Variants in MB observed in about 807,000 individuals in gnomAD.
MB encodes the protein nitrite reductase MB.
Under a neutral mutation model 14.5 loss-of-function variants are expected in MB, and 10 were observed. The ratio of observed to expected loss-of-function variants is 0.69; its 90% CI spans 0.43 to 1.17. The LOEUF (loss-of-function observed/expected upper bound fraction) is 1.17. Among genes scored for constraint, MB ranks in the 50% most tolerant of loss-of-function variants. The pLI, the probability that MB is intolerant of heterozygous loss-of-function variation, is 0.00. For synonymous variants in MB, 89 were observed against 78.6 expected (o/e 1.13, Z -0.70); for missense variants, 169 against 192.7 (o/e 0.88, Z 0.73).
At chr22:35,611,783 GCAGCCACCTC>G (rs1202446617) in intron 1 of MB, among the ~76,000 whole-genome samples, 1 of 149,320 alleles carries the variant, frequency 6.7e-6, no homozygotes, top group African/African-American at 2.5e-5. Context: ...GGGACTCTGA[GCAGCCACCTC>G]CAGCTTTAGA....
intron 1 of MB, 22 bp from the exon 2 acceptor site, chr22:35,611,128 G>T: frequency 6.3e-7 from 1 of 1,584,518 alleles, no homozygotes; most frequent in Non-Finnish European, 8.7e-7. Context: ...GGGAAGGCTG[G>T]AGTCGGCATG....
upstream of MB, chr22:35,617,426 TTTC>T (rs1601847022): frequency 1.7e-6 from 1 of 602,682 alleles, no homozygotes; most frequent in East Asian, 2.8e-5. Flanking sequence ...CCTCCTTCAC[TTTC>T]TCTCTCTCAT....
chr22:35,618,995 C>T (rs533499511), upstream of MB, among the ~76,000 whole-genome samples: 3 of 150,192 alleles, frequency 2.0e-5, no homozygotes, highest in African/African-American at 7.3e-5. Context: ...ATTCATCATC[C>T]CCCCTCCATC....
chr22:35,614,304 G>A (rs745617527), intron 1 of MB, among the ~76,000 whole-genome samples: 2 of 152,184 alleles, frequency 1.3e-5, no homozygotes, highest in Admixed American at 1.3e-4. Context: ...TCAAGAGCAA[G>A]GATTCTGGGC....
chr22:35,623,069 T>A (rs940457313), intron 1 of MB: 4 of 152,276 alleles, frequency 2.6e-5, no homozygotes, highest in Non-Finnish European at 5.9e-5. Context: ...AAACTCATAT[T>A]GTACTTAGTG....
intron 2 of MB, among the ~76,000 whole-genome samples, chr22:35,609,160 C>T (rs5999890): frequency 0.022 from 3,354 of 152,292 alleles, 133 homozygotes; most frequent in African/African-American, 0.077. Context: ...GAGCCAAACA[C>T]GTGCCAGTGG....
At chr22:35,622,802 C>T (rs1055923747) in intron 1 of MB, among the ~76,000 whole-genome samples, 2 of 152,076 alleles carry the variant, frequency 1.3e-5, no homozygotes, top group Middle Eastern at 3.2e-3. Flanking sequence ...AGAGACCAGC[C>T]CCGCCTCCAC....
rs1922332426 is a variant in MB, at chr22:35,608,637, G to A, written c.319-1194C>T. On this transcript the variant is annotated intron_variant, in intron 2 of 2. Transcript: ENST00000397326. This position sits in a 1 kb window ranked among gnomAD's most constrained non-coding sequence, Gnocchi z 4.3. Reference sequence around the variant, plus strand: ...TTCATGAATGCCACAAAACAAAGTGGGGGCTCAGGGTGTCATGGAGCAAGC... The same window carrying A: ...TTCATGAATGCCACAAAACAAAGTGAGGGCTCAGGGTGTCATGGAGCAAGC... Among the ~76,000 whole-genome samples, 1 of 152,210 alleles carries A rather than the reference G, an allele frequency of 6.6e-6. No individual in the cohort carries two copies. The highest frequency in any genetic ancestry group is 2.4e-5 in the African/African-American group (1 of 41,456).
intron 1 of MB, among the ~76,000 whole-genome samples, chr22:35,612,787 A>G (rs1922739655): frequency 6.6e-6 from 1 of 152,212 alleles, no homozygotes; most frequent in East Asian, 1.9e-4. Context: ...AGGCAAACTG[A>G]TACCTACATG....
chr22:35,617,347 A>G (rs1450829670), upstream of MB: 51 of 1,018,882 alleles, frequency 5.0e-5, no homozygotes, highest in Non-Finnish European at 5.6e-5. Flanking sequence ...CCTGGTCCCA[A>G]GGGCGTTTTT....
chr22:35,615,425 T>A (rs1922996578), intron 1 of MB: 1 of 152,310 alleles, frequency 6.6e-6, no homozygotes, highest in African/African-American at 2.4e-5. Context: ...GTCTTATCCC[T>A]GGCTCCCGGC....
intron 1 of MB, among the ~76,000 whole-genome samples, chr22:35,614,017 A>G (rs1922868746): frequency 6.6e-6 from 1 of 152,228 alleles, no homozygotes; most frequent in Admixed American, 6.5e-5. Context: ...CGTTTGCTCT[A>G]GTATTTCAGA....
At chr22:35,609,656 T>A in intron 2 of MB, among the ~76,000 whole-genome samples, 1 of 152,194 alleles carries the variant, frequency 6.6e-6, no homozygotes, top group East Asian at 1.9e-4. Flanking sequence ...ACTTAAACCC[T>A]CTGAGCTCTC....
rs539078652 is a variant in MB at position 35,611,095 on chromosome 22, C to A, written c.107G>T (p.Gly36Val). 2 of 1,613,728 alleles carry A rather than the reference C, an allele frequency of 1.2e-6. No homozygotes were observed. Among genetic ancestry groups the A allele is most frequent in the East Asian group, 2.2e-5 (1 of 44,876 alleles). ...AAACTTCTCCAGAGTCTCTGGGTGA[C>A]CCTTAAAGAGCCTGTGGGCACAGGG... ...GQEVLIRLFKGHPETLEKFDK... is the reference protein window; with the variant it reads ...GQEVLIRLFKVHPETLEKFDK... Residue 36 changes from glycine to valine, a missense_variant, in exon 2 of 3, where the codon GGT becomes GTT. Coordinates refer to ENST00000397326, the MANE Select transcript of MB (RefSeq NM_005368.3).
At chr22:35,617,128 T>C in intron 1 of MB, 35 bp downstream of exon 1, 2 of 1,526,404 alleles carry the variant, frequency 1.3e-6, no homozygotes, top group Non-Finnish European at 1.8e-6. Flanking sequence ...TCTTAGGGTG[T>C]GGGTGGCAGG....
chr22:35,614,488 C>CA (rs34697597), intron 1 of MB, among the ~76,000 whole-genome samples: 76,090 of 141,042 alleles, frequency 0.54, 20,080 homozygotes, highest in East Asian at 0.78. Flanking sequence ...GACTCCATCT[C>CA]AAAAAAAAAA....
rs1037205357 is a variant in MB, at chr22:35,608,095, C to T, written c.319-652G>A. 6.6e-6 allele frequency among the ~76,000 whole-genome samples: 1 copy of T among 152,166 alleles called. No homozygotes were observed. Among genetic ancestry groups the T allele is most frequent in the Non-Finnish European group, 1.5e-5 (1 of 68,034 alleles). The stretch of plus-strand genomic sequence containing the variant: ...AGGATGGAGAATGTCTGCTATCAGC[C>T]TCAGCATTGCCATTTGCTTTAGTAC... On this transcript the variant is annotated intron_variant, in intron 2 of 2. Transcript: ENST00000397326. This position sits in a 1 kb window ranked among gnomAD's most constrained non-coding sequence, Gnocchi z 4.3.
At position 35,617,208 on chromosome 22, in the gene MB, T is replaced by G; in HGVS notation, c.50A>C (p.Lys17Thr). 6.2e-7 allele frequency: 1 copy of G among 1,614,094 alleles called. No individual in the cohort carries two copies. The highest frequency in any genetic ancestry group is 1.1e-5 in the South Asian group (1 of 91,086). Residue 17 changes from lysine to threonine, a missense_variant, in exon 1 of 3, where the codon AAG becomes ACG. Transcript: ENST00000397326. ...EWQLVLNVWG[K>T]VEADIPGHGQ... ...ATGGCCTGGGATGTCAGCCTCCACC[T>G]TCCCCCAGACGTTCAGCACCAACTG...
At chr22:35,622,738 C>G (rs925409259) in intron 1 of MB, among the ~76,000 whole-genome samples, 3 of 152,002 alleles carry the variant, frequency 2.0e-5, no homozygotes, top group Non-Finnish European at 2.9e-5. Context: ...CCCTCCCCAG[C>G]CTTGGAGGCT....
Sources: allele counts gnomAD v4.1 joint callset (sites outside exome capture counted in the v4.1 genomes callset), GRCh38; gene constraint gnomAD v4.1.1; non-coding constraint Gnocchi (gnomAD v3.1); transcripts MANE v1.5; gene names NCBI Gene and HGNC (gene_info 2026-07-23, HGNC 2026-07-21).